CDK5RAP2: variants seen among roughly 807,000 people sequenced by gnomAD.
CDK5RAP2 encodes the protein CDK5 regulatory subunit-associated protein 2.
Under a neutral mutation model 232.9 loss-of-function variants are expected in CDK5RAP2, and 147 were observed. The observed-to-expected ratio is 0.63, with a 90% CI of 0.55 to 0.72. The LOEUF (loss-of-function observed/expected upper bound fraction) is 0.72. CDK5RAP2 is among the 30% of genes least tolerant of loss of function. The pLI, the probability that CDK5RAP2 is intolerant of heterozygous loss-of-function variation, is 0.00. For missense variants in CDK5RAP2, 2,195 were observed against 2,231.5 expected, an observed-to-expected ratio of 0.98 and a Z score of 0.33; for synonymous variants, 833 against 833.7, an observed-to-expected ratio of 1.00 and a Z score of 0.01.
intron 3 of CDK5RAP2, among the ~76,000 whole-genome samples, chr9:120,567,046 G>A (rs188442601): frequency 3.6e-3 from 552 of 152,272 alleles, no homozygotes; most frequent in Admixed American, 6.2e-3. Context: ...AGCACTTAAA[G>A]TACCCAGCTC....
At chr9:120,529,561 T>TA (rs1238994802) in intron 8 of CDK5RAP2, among the ~76,000 whole-genome samples, 3 of 152,240 alleles carry the variant, frequency 2.0e-5, no homozygotes, top group African/African-American at 7.2e-5. Flanking sequence ...CTAAGCCCGA[T>TA]ACGAGTTAGT....
At chr9:120,469,789 A>C (rs2037587744) in intron 17 of CDK5RAP2, among the ~76,000 whole-genome samples, 1 of 152,232 alleles carries the variant, frequency 6.6e-6, no homozygotes, top group African/African-American at 2.4e-5. Context: ...AGATCAGTAA[A>C]ATAAGGACAT....
At chr9:120,535,000 C>T (rs1392969796) in intron 7 of CDK5RAP2, among the ~76,000 whole-genome samples, 2 of 152,202 alleles carry the variant, frequency 1.3e-5, no homozygotes, top group South Asian at 2.1e-4. Flanking sequence ...AGTAGGAGGG[C>T]ACTTCCCAGG....
intron 3 of CDK5RAP2, among the ~76,000 whole-genome samples, chr9:120,558,156 T>C (rs2042309698): frequency 2.0e-5 from 3 of 147,198 alleles, no homozygotes; most frequent in South Asian, 2.1e-4. Context: ...AGGCAGATCA[T>C]GAGGTCAAGA....
At chr9:120,502,779 T>C (rs868782977) in intron 12 of CDK5RAP2, among the ~76,000 whole-genome samples, 7 of 152,156 alleles carry the variant, frequency 4.6e-5, no homozygotes, top group Admixed American at 2.0e-4. Context: ...GGGGGTCAGG[T>C]AGAAGGCCCA....
intron 12 of CDK5RAP2, among the ~76,000 whole-genome samples, chr9:120,511,801 G>A (rs1489231956): frequency 1.4e-5 from 2 of 143,432 alleles, no homozygotes; most frequent in African/African-American, 5.2e-5. Context: ...GTAGTGGCAC[G>A]ATCTCAGCTC....
At chr9:120,414,010 C>T (rs1484121372) in intron 28 of CDK5RAP2, among the ~76,000 whole-genome samples, 1 of 152,220 alleles carries the variant, frequency 6.6e-6, no homozygotes, top group Non-Finnish European at 1.5e-5. Context: ...TGCCATGGGG[C>T]ACTATCTTTC....
Position 120,552,948 on chromosome 9 carries a change from A to G in CDK5RAP2, c.196-2046T>C, listed in dbSNP as rs114654394. On this transcript the variant is annotated intron_variant, in intron 3 of 37. Coordinates refer to ENST00000349780, the MANE Select transcript of CDK5RAP2 (RefSeq NM_018249.6). ...CAAATACAGAAAACATTAACTGGTG[A>G]ATCTAGATGAATATACATGGTTGTT... Among the ~76,000 whole-genome samples, 1,033 of 152,310 alleles carry G rather than the reference A, an allele frequency of 6.8e-3. 18 individuals are homozygous for G. Among genetic ancestry groups the G allele is most frequent in the African/African-American group, 0.024 (987 of 41,566 alleles).
intron 3 of CDK5RAP2, among the ~76,000 whole-genome samples, chr9:120,552,587 G>A (rs559997233): frequency 1.5e-4 from 22 of 150,744 alleles, no homozygotes; most frequent in Admixed American, 5.3e-4. Flanking sequence ...GCAAACTATC[G>A]CAAGGATAAA....
chr9:120,506,584 G>A lies in CDK5RAP2; in HGVS notation c.1311+11843C>T, dbSNP rs188183373. 5.3e-5 allele frequency among the ~76,000 whole-genome samples: 8 copies of A among 152,312 alleles called. No homozygotes were observed. In the South Asian group the frequency reaches 1.4e-3, roughly 28 times the overall value. ...ATTCTAAATGCCCTTAAGAACATTT[G>A]TGATTCATGAGAAGGGTCAAAATAC... On this transcript the variant is annotated intron_variant, in intron 12 of 37. Coordinates refer to ENST00000349780, the MANE Select transcript of CDK5RAP2 (RefSeq NM_018249.6).
At chr9:120,479,165 A>G (rs372743007) in intron 14 of CDK5RAP2, among the ~76,000 whole-genome samples, 4 of 152,240 alleles carry the variant, frequency 2.6e-5, no homozygotes, top group African/African-American at 9.6e-5. Flanking sequence ...GTAACAGATT[A>G]TAACCCACCA....
chr9:120,452,571 T>C (rs2131398860), intron 21 of CDK5RAP2, among the ~76,000 whole-genome samples: 1 of 151,738 alleles, frequency 6.6e-6, no homozygotes, highest in East Asian at 1.9e-4. Context: ...ATCTCCCTTC[T>C]ATAGGGATTC....
rs771022408 is a variant in CDK5RAP2, at chr9:120,518,538, G to A, written c.1200C>T (p.Ser400=). ...TCAGCTCCTGGGTGATCTTCTTAAT[G>A]CTTCTACGCAGTCTGTGGTTCTCTG... ...KSTENHRLRR[S]IKKITQELSD... Residue 400 remains serine (S), a synonymous_variant, in exon 12 of 38, where the codon AGC becomes AGT. Transcript: ENST00000349780. The A allele has an allele frequency of 3.5e-5, 57 of 1,613,498 alleles. No homozygotes were observed. The highest frequency in any genetic ancestry group is 4.8e-5 in the Non-Finnish European group (57 of 1,179,950).
At chr9:120,459,478 C>T (rs564583957) in intron 19 of CDK5RAP2, among the ~76,000 whole-genome samples, 1 of 152,260 alleles carries the variant, frequency 6.6e-6, no homozygotes, top group Non-Finnish European at 1.5e-5. Context: ...AAGACAAGAC[C>T]TACACAAATG....
chr9:120,463,926 A>C (rs749790898), intron 18 of CDK5RAP2, among the ~76,000 whole-genome samples: 14 of 152,180 alleles, frequency 9.2e-5, no homozygotes, highest in Non-Finnish European at 1.3e-4. Flanking sequence ...CTGAGTCACT[A>C]TACCTGGCTC....
chr9:120,511,319 G>A (rs1349644934), intron 12 of CDK5RAP2, among the ~76,000 whole-genome samples: 1 of 152,168 alleles, frequency 6.6e-6, no homozygotes, highest in Non-Finnish European at 1.5e-5. Flanking sequence ...TAGGATTTAG[G>A]TCAGGGCTCA....
chr9:120,389,635 T>G (rs890811020), intron 37 of CDK5RAP2, 106 bp downstream of exon 37: 29 of 1,063,706 alleles, frequency 2.7e-5, no homozygotes, highest in African/African-American at 9.3e-5. Flanking sequence ...GAGGAGGACA[T>G]GTCCCCTGGT....
At chr9:120,470,866 C>T (rs1047192330) in intron 16 of CDK5RAP2, among the ~76,000 whole-genome samples, 1 of 152,064 alleles carries the variant, frequency 6.6e-6, no homozygotes, top group Non-Finnish European at 1.5e-5. Flanking sequence ...CAAACAGTAT[C>T]TCATTTAACA....
intron 25 of CDK5RAP2, among the ~76,000 whole-genome samples, chr9:120,424,464 G>A (rs187283057): frequency 1.3e-5 from 2 of 152,286 alleles, no homozygotes; most frequent in East Asian, 1.9e-4. Flanking sequence ...GAACCAGCTT[G>A]TAAGACCATC....
Sources: allele counts gnomAD v4.1 joint callset (sites outside exome capture counted in the v4.1 genomes callset), GRCh38; gene constraint gnomAD v4.1.1; transcripts MANE v1.5; gene names NCBI Gene and HGNC (gene_info 2026-07-23, HGNC 2026-07-21).